The following CAPZA2 variants were observed in gnomAD, a reference collection of about 807,000 sequenced individuals.
CAPZA2 encodes capping actin protein of muscle Z-line subunit alpha 2, also known as F-actin-capping protein subunit alpha-2.
Under a neutral mutation model 44.0 loss-of-function variants are expected in CAPZA2, and 13 were observed. The ratio of observed to expected loss-of-function variants is 0.30; its 90% CI spans 0.19 to 0.47. The LOEUF (loss-of-function observed/expected upper bound fraction) is 0.47, where lower values mean the gene tolerates loss of function less well. Among genes scored for constraint, CAPZA2 ranks in the 20% least tolerant of loss-of-function variants. The pLI, the probability that CAPZA2 is intolerant of heterozygous loss-of-function variation, is 1.00. For missense variants in CAPZA2, 244 were observed against 338.6 expected, an observed-to-expected ratio of 0.72 and a Z score of 2.19; for synonymous variants, 94 against 108.2, an observed-to-expected ratio of 0.87 and a Z score of 0.81.
chr7:116,897,812 A>G (rs571401310), intron 3 of CAPZA2, among the ~76,000 whole-genome samples: 5 of 152,008 alleles, frequency 3.3e-5, no homozygotes, highest in African/African-American at 9.6e-5. Context: ...ACCATTTCCT[A>G]CCTCACACTC....
intron 1 of CAPZA2, chr7:116,880,194 G>A: frequency 2.3e-6 from 1 of 439,992 alleles, no homozygotes; most frequent in South Asian, 1.7e-5. Context: ...GTACTCATTT[G>A]TCTTGCTTTA....
At chr7:116,914,240 A>G (rs1412909984) in intron 8 of CAPZA2, among the ~76,000 whole-genome samples, 1 of 151,842 alleles carries the variant, frequency 6.6e-6, no homozygotes, top group Non-Finnish European at 1.5e-5. Flanking sequence ...CGTGTTAGCC[A>G]GGATGGTCTC....
chr7:116,900,615 G>T (rs1796982914), intron 4 of CAPZA2, among the ~76,000 whole-genome samples: 1 of 151,754 alleles, frequency 6.6e-6, no homozygotes, highest in Non-Finnish European at 1.5e-5. Flanking sequence ...AAAGGCATAC[G>T]ATTATGAAGA....
chr7:116,902,088 G>A (rs932822684), intron 4 of CAPZA2, among the ~76,000 whole-genome samples: 2 of 152,010 alleles, frequency 1.3e-5, no homozygotes, highest in Non-Finnish European at 2.9e-5. Context: ...TTTAGTCTCA[G>A]AATATATGAA....
At chr7:116,877,863 G>T (rs2115890509) in intron 1 of CAPZA2, among the ~76,000 whole-genome samples, 1 of 152,250 alleles carries the variant, frequency 6.6e-6, no homozygotes, top group African/African-American at 2.4e-5. Context: ...CTGGTGGCAA[G>T]GTGGAAAATG....
At chr7:116,884,961 C>A (rs982683502) in intron 1 of CAPZA2, among the ~76,000 whole-genome samples, 1 of 152,098 alleles carries the variant, frequency 6.6e-6, no homozygotes, top group Non-Finnish European at 1.5e-5. Flanking sequence ...AGTAGTATTT[C>A]GTGATTTCAA....
At chr7:116,898,666 T>C in intron 3 of CAPZA2, 106 bp from the exon 4 acceptor site, 1 of 589,916 alleles carries the variant, frequency 1.7e-6, no homozygotes, top group African/African-American at 1.9e-5. Context: ...TATTTTGCAG[T>C]GTGCAATGTA....
intron 1 of CAPZA2, among the ~76,000 whole-genome samples, chr7:116,882,478 A>T (rs535865531): frequency 7.5e-4 from 113 of 151,294 alleles, no homozygotes; most frequent in African/African-American, 1.2e-3. Flanking sequence ...TATTATTATT[A>T]TTTTTTTTTA....
At chr7:116,885,420 C>T (rs1796750626) in intron 1 of CAPZA2, among the ~76,000 whole-genome samples, 1 of 151,870 alleles carries the variant, frequency 6.6e-6, no homozygotes, top group Non-Finnish European at 1.5e-5. Flanking sequence ...GAGTCCCCCA[C>T]CAAAAATCAA....
chr7:116,903,603 G>A (rs1198427891), intron 4 of CAPZA2, among the ~76,000 whole-genome samples: 2 of 152,092 alleles, frequency 1.3e-5, no homozygotes, highest in Non-Finnish European at 2.9e-5. Flanking sequence ...TATGCATTGT[G>A]GATGTATTAT....
intron 2 of CAPZA2, among the ~76,000 whole-genome samples, chr7:116,890,759 CAG>C (rs1796835196): frequency 1.2e-5 from 1 of 83,342 alleles, no homozygotes; most frequent in Non-Finnish European, 2.0e-5. Context: ...GCCTGGGTGA[CAG>C]AGTGAGACTC....
intron 1 of CAPZA2, among the ~76,000 whole-genome samples, chr7:116,870,797 A>G (rs1796545551): frequency 6.6e-6 from 1 of 152,226 alleles, no homozygotes; most frequent in Admixed American, 6.5e-5. Flanking sequence ...GTTGGAATCA[A>G]GAAGACTTGA....
At chr7:116,911,636 A>G (rs190556436) in intron 7 of CAPZA2, among the ~76,000 whole-genome samples, 53 of 152,330 alleles carry the variant, frequency 3.5e-4, no homozygotes, top group Admixed American at 2.7e-3. Flanking sequence ...ATATAACCTC[A>G]GTACCTTATG....
At chr7:116,883,248 A>G (rs932375811) in intron 1 of CAPZA2, among the ~76,000 whole-genome samples, 6 of 151,920 alleles carry the variant, frequency 3.9e-5, no homozygotes, top group African/African-American at 1.2e-4. Context: ...CAGAAATTCT[A>G]CTCTTGGGAC....
rs1255482236 is a variant in CAPZA2, at chr7:116,862,669, A to T, written c.39+19A>T. ...AGAGAAGGTAAGAGTCGCGGGGGCGACGGCGCGGGCTGTCAGGAGCCGGCT... is the reference window on the plus strand; with the variant it reads ...AGAGAAGGTAAGAGTCGCGGGGGCGTCGGCGCGGGCTGTCAGGAGCCGGCT... On this transcript the variant is annotated intron_variant, in intron 1 of 9. Transcript: ENST00000361183. The T allele has an allele frequency of 6.5e-7, 1 of 1,535,772 alleles. No individual in the cohort carries two copies. Among genetic ancestry groups the T allele is most frequent in the East Asian group, 2.6e-5 (1 of 38,882 alleles).
At chr7:116,898,661 TG>T in intron 3 of CAPZA2, 110 bp from the exon 4 acceptor site, 7 of 570,368 alleles carry the variant, frequency 1.2e-5, no homozygotes, top group Non-Finnish European at 2.1e-5. Context: ...TTATTTATTT[TG>T]CAGTGTGCAA....
intron 1 of CAPZA2, among the ~76,000 whole-genome samples, chr7:116,878,237 A>T (rs1387680172): frequency 6.6e-6 from 1 of 152,218 alleles, no homozygotes; most frequent in African/African-American, 2.4e-5. Context: ...TGATGGAAGC[A>T]ATGGAAATGG....
At position 116,880,696 on chromosome 7, in the gene CAPZA2, C is replaced by CTTTT. The variant is rs557434747; in HGVS notation, c.40-7396_40-7393dup. Among the ~76,000 whole-genome samples, 12 of 24,686 alleles carry CTTTT rather than the reference C, an allele frequency of 4.9e-4. 5 individuals are homozygous for CTTTT. Among genetic ancestry groups the CTTTT allele is most frequent in the African/African-American group, 6.7e-4 (5 of 7,478 alleles). 16.2% of individuals were successfully genotyped at this position (24,686 alleles called of 152,430 possible). A position where few individuals can be genotyped will look rare whatever the true frequency, so the allele number is the denominator to read the frequency against. On this transcript the variant is annotated intron_variant, in intron 1 of 9. Coordinates refer to ENST00000361183, the MANE Select transcript of CAPZA2 (RefSeq NM_006136.3). Reference sequence around the variant, plus strand: ...ATAGGCATGAGCCACTGTAACCTGCCTTTTTTTTTTTTTTTTTTTTTTTTT... The same window carrying CTTTT: ...ATAGGCATGAGCCACTGTAACCTGCCTTTTTTTTTTTTTTTTTTTTTTTTTTTTT...
rs530350499 is a variant in CAPZA2 at position 116,876,643 on chromosome 7, A to T, written c.40-11484A>T. On this transcript the variant is annotated intron_variant, in intron 1 of 9. Transcript: ENST00000361183. ...TGATATGTCCCCAGTTACATATCTT[A>T]AATTCAGGCTTCACCGGTAAGGTAA... Among the ~76,000 whole-genome samples the T allele has an allele frequency of 9.2e-5, 14 of 152,310 alleles. No homozygotes were observed. The East Asian group carries it at 1.9e-3, about 21-fold the overall frequency.
Sources: gnomAD v4.1 joint callset for allele counts (sites outside exome capture counted in the v4.1 genomes callset) on GRCh38, gnomAD v4.1.1 for gene constraint, MANE v1.5 for transcripts, NCBI Gene and HGNC (gene_info 2026-07-23, HGNC 2026-07-21) for gene names.